The following FARS2 variants were observed in gnomAD, a reference collection of about 807,000 sequenced individuals.
FARS2 encodes the protein phenylalanyl-tRNA synthetase 2, mitochondrial, also known as phenylalanine--tRNA ligase, mitochondrial.
In FARS2, 40 loss-of-function variants were observed where a neutral mutation model predicts 46.4. That is an observed-to-expected ratio of 0.86 (90% CI 0.67 to 1.12). FARS2 has a LOEUF of 1.12. Ranked by LOEUF, FARS2 falls within the 50% of genes most tolerant of loss-of-function variation. The pLI is 0.00. For synonymous variants in FARS2, 234 were observed against 214.9 expected (o/e 1.09, Z -0.78); for missense variants, 513 against 567.9 (o/e 0.90, Z 0.98).
At chr6:5,481,720 C>G (rs1766468097) in intron 4 of FARS2, among the ~76,000 whole-genome samples, 1 of 111,152 alleles carries the variant, frequency 9.0e-6, no homozygotes, top group African/African-American at 2.8e-5. Flanking sequence ...GTCGTTTGAG[C>G]TTATCCAGCC....
At chr6:5,339,086 G>A (rs773737028) in intron 1 of FARS2, among the ~76,000 whole-genome samples, 27 of 152,054 alleles carry the variant, frequency 1.8e-4, no homozygotes, top group African/African-American at 5.6e-4. Context: ...ACACCAAAAG[G>A]ATCAGAAAAA....
At chr6:5,289,691 T>TTA (rs1767369837) in intron 1 of FARS2, among the ~76,000 whole-genome samples, 2 of 152,104 alleles carry the variant, frequency 1.3e-5, no homozygotes, top group Admixed American at 1.3e-4. Flanking sequence ...AGTTACAAGG[T>TTA]TATACTCCAG....
chr6:5,427,368 C>G (rs1165329323), intron 3 of FARS2, among the ~76,000 whole-genome samples: 1 of 152,148 alleles, frequency 6.6e-6, no homozygotes, highest in Non-Finnish European at 1.5e-5. Flanking sequence ...ATGGATAAGA[C>G]TTCAAAAGCA....
rs1328814476 is a variant in FARS2, at chr6:5,451,938, A to T, written c.904+20766A>T. ...TACAGTGAAGTGATTTTTTGGAAAC[A>T]CCTATCACATATCATCACCATGTCT... On this transcript the variant is annotated intron_variant, in intron 4 of 6. Coordinates refer to ENST00000274680, the MANE Select transcript of FARS2 (RefSeq NM_006567.5). 3 of 152,188 alleles carry T rather than the reference A, an allele frequency of 2.0e-5. No homozygotes were observed. In the East Asian group the frequency reaches 5.8e-4, roughly 29 times the overall value. The allele number at this position is 152,188 out of a possible 1,614,324, so 9.4% of individuals were successfully genotyped here. A position where few individuals can be genotyped will look rare whatever the true frequency, so the allele number is the denominator to read the frequency against.
At chr6:5,736,963 C>T (rs757902980) in intron 6 of FARS2, among the ~76,000 whole-genome samples, 4 of 152,166 alleles carry the variant, frequency 2.6e-5, no homozygotes, top group Admixed American at 1.3e-4. Context: ...CCCTTCCTCT[C>T]GCCCTCCACA....
intron 2 of FARS2, among the ~76,000 whole-genome samples, chr6:5,385,787 A>G (rs150288052): frequency 0.013 from 1,955 of 152,260 alleles, 20 homozygotes; most frequent in Middle Eastern, 0.034. Context: ...ATTTCTCTGT[A>G]TGTGAACCAA....
chr6:5,657,569 T>TG lies in FARS2; in HGVS notation c.1217+44250dup, dbSNP rs765676908. Among the ~76,000 whole-genome samples, 12 of 152,312 alleles carry TG rather than the reference T, an allele frequency of 7.9e-5. No individual in the cohort carries two copies. In the East Asian group the frequency reaches 2.1e-3, roughly 27 times the overall value. ...TATGAAACTGGTCCTGGAAGTCTGT[T>TG]GTTCTGGCATCCTCTGCCCTGGCTA... On this transcript the variant is annotated intron_variant, in intron 6 of 6. Transcript: ENST00000274680.
At chr6:5,474,662 TG>T (rs1480307127) in intron 4 of FARS2, among the ~76,000 whole-genome samples, 34 of 107,918 alleles carry the variant, frequency 3.2e-4, no homozygotes, top group African/African-American at 9.2e-4. Flanking sequence ...AATACAGTAC[TG>T]TTTTTTTTTT....
intron 6 of FARS2, among the ~76,000 whole-genome samples, chr6:5,623,234 A>G (rs1054713051): frequency 3.3e-5 from 5 of 152,222 alleles, no homozygotes; most frequent in Non-Finnish European, 7.3e-5. Flanking sequence ...GTCATAGTCA[A>G]TCTAACTTGT....
intron 1 of FARS2, among the ~76,000 whole-genome samples, chr6:5,301,964 T>C (rs1768348752): frequency 2.0e-5 from 3 of 152,134 alleles, no homozygotes; most frequent in Admixed American, 2.0e-4. Context: ...GAAGACTTGG[T>C]CCCTACCCTC....
At chr6:5,619,767 C>T (rs1775668108) in intron 6 of FARS2, among the ~76,000 whole-genome samples, 1 of 152,102 alleles carries the variant, frequency 6.6e-6, no homozygotes, top group African/African-American at 2.4e-5. Flanking sequence ...CTGGTCAAAG[C>T]TCTTCCTCCT....
chr6:5,695,905 A>G (rs1224932497), intron 6 of FARS2, among the ~76,000 whole-genome samples: 2 of 152,228 alleles, frequency 1.3e-5, no homozygotes, highest in African/African-American at 4.8e-5. Context: ...AAACATAACA[A>G]AAAACTCTTC....
intron 1 of FARS2, among the ~76,000 whole-genome samples, chr6:5,324,321 A>AT (rs370114498): frequency 4.0e-5 from 6 of 150,334 alleles, no homozygotes; most frequent in Admixed American, 6.6e-5. Context: ...TACTTCTGGG[A>AT]TTTTTTTGTT....
chr6:5,661,695 A>G (rs1413350906), intron 6 of FARS2, among the ~76,000 whole-genome samples: 1 of 152,180 alleles, frequency 6.6e-6, no homozygotes, highest in East Asian at 1.9e-4. Context: ...ATGATCACTC[A>G]GGGGGCCAGA....
At chr6:5,537,325 T>C (rs1033958965) in intron 4 of FARS2, among the ~76,000 whole-genome samples, 3 of 152,238 alleles carry the variant, frequency 2.0e-5, no homozygotes, top group Non-Finnish European at 2.9e-5. Flanking sequence ...AGGGATGGCA[T>C]TGAGCAATAA....
intron 6 of FARS2, among the ~76,000 whole-genome samples, chr6:5,728,641 A>C (rs968452046): frequency 6.6e-6 from 1 of 152,214 alleles, no homozygotes; most frequent in Non-Finnish European, 1.5e-5. Context: ...TCATAAAGAA[A>C]GGCTCAGTAT....
intron 5 of FARS2, among the ~76,000 whole-genome samples, chr6:5,588,254 AGTG>A (rs113813112): frequency 0.54 from 82,415 of 151,496 alleles, 22,517 homozygotes; most frequent in Non-Finnish European, 0.59. Flanking sequence ...GGGCGGGGGA[AGTG>A]GTGTGGGCGT....
In FARS2 at chr6:5,404,711, C is replaced by G. The variant is rs1237508204; in HGVS notation, c.772+10C>G. On this transcript the variant is annotated intron_variant, in intron 3 of 6. Coordinates refer to ENST00000274680, the MANE Select transcript of FARS2 (RefSeq NM_006567.5). The stretch of plus-strand genomic sequence containing the variant: ...CATCTTTTTGGAGATGGTAAGTGCT[C>G]AAACACAGGTTGACGATCTCTTATC... The G allele has an allele frequency of 1.3e-6, 2 of 1,546,514 alleles. No individual in the cohort carries two copies. The highest frequency in any genetic ancestry group is 1.8e-6 in the Non-Finnish European group (2 of 1,140,784).
At chr6:5,282,801 A>C (rs1004018063) in intron 1 of FARS2, among the ~76,000 whole-genome samples, 2 of 152,218 alleles carry the variant, frequency 1.3e-5, no homozygotes, top group Non-Finnish European at 2.9e-5. Flanking sequence ...GAAGATGCTG[A>C]GGGTCTCTAC....
Sources: gnomAD v4.1 joint callset for allele counts (sites outside exome capture counted in the v4.1 genomes callset) on GRCh38, gnomAD v4.1.1 for gene constraint, MANE v1.5 for transcripts, NCBI Gene and HGNC (gene_info 2026-07-23, HGNC 2026-07-21) for gene names.